Variants in SULF2 observed in about 807,000 individuals in gnomAD.
The protein encoded by SULF2 is sulfatase 2.
In SULF2, 52 loss-of-function variants were observed where a neutral mutation model predicts 107.7. The ratio of observed to expected loss-of-function variants is 0.48; its 90% confidence interval spans 0.39 to 0.61. SULF2 has a LOEUF of 0.61. SULF2 is among the 20% of genes least tolerant of loss of function. The pLI, the probability that SULF2 is intolerant of heterozygous loss-of-function variation, is 0.00. For synonymous variants in SULF2, 460 were observed against 464.3 expected, an observed-to-expected ratio of 0.99 and a Z score of 0.12; for missense variants, 993 against 1,177.3, an observed-to-expected ratio of 0.84 and a Z score of 2.29.
At chr20:47,720,204 T>C (rs1185438997) in intron 3 of SULF2, among the ~76,000 whole-genome samples, 2 of 152,166 alleles carry the variant, frequency 1.3e-5, no homozygotes, top group African/African-American at 2.4e-5. Flanking sequence ...TCACCTGCTT[T>C]GGCCTCTGAA....
At chr20:47,782,221 A>C (rs6018686) in intron 1 of SULF2, among the ~76,000 whole-genome samples, 100,841 of 152,050 alleles carry the variant, frequency 0.66, 34,235 homozygotes, top group East Asian at 0.91. Flanking sequence ...TCACTGCTGG[A>C]TCTGTACCCT....
chr20:47,782,505 C>T (rs2090850455), intron 1 of SULF2, among the ~76,000 whole-genome samples: 1 of 152,162 alleles, frequency 6.6e-6, no homozygotes, highest in Non-Finnish European at 1.5e-5. Flanking sequence ...GAGAGAGGCC[C>T]CCATCTTCCA....
intron 2 of SULF2, among the ~76,000 whole-genome samples, chr20:47,737,933 G>A (rs1298176385): frequency 1.3e-5 from 2 of 151,666 alleles, no homozygotes; most frequent in Non-Finnish European, 2.9e-5. Context: ...TAGTAGAGAT[G>A]ACGTTTCGCC....
chr20:47,672,125 G>A (rs562658430), intron 11 of SULF2, 73 bp downstream of exon 11: 21 of 1,465,570 alleles, frequency 1.4e-5, no homozygotes, highest in South Asian at 5.1e-5. Flanking sequence ...TGGAACTGTC[G>A]GAGTGAATGA....
chr20:47,752,210 C>G (rs564976655), intron 2 of SULF2, among the ~76,000 whole-genome samples: 1 of 152,262 alleles, frequency 6.6e-6, no homozygotes, highest in South Asian at 2.1e-4. Context: ...CTTTAACAAC[C>G]CAAGTGAGAG....
chr20:47,669,627 A>G (rs2087396553), intron 11 of SULF2, among the ~76,000 whole-genome samples: 1 of 152,026 alleles, frequency 6.6e-6, no homozygotes, highest in Admixed American at 6.6e-5. Flanking sequence ...CAGGCAGGAG[A>G]TGGGGCTGGA....
intron 2 of SULF2, among the ~76,000 whole-genome samples, chr20:47,752,916 C>A (rs534145273): frequency 6.6e-6 from 1 of 152,128 alleles, no homozygotes; most frequent in African/African-American, 2.4e-5. Context: ...ACCTGGCCAA[C>A]ATGGCGAAAC....
chr20:47,764,785 A>G (rs2090493824), intron 1 of SULF2, among the ~76,000 whole-genome samples: 2 of 152,192 alleles, frequency 1.3e-5, no homozygotes, highest in African/African-American at 4.8e-5. Context: ...CATTTGCAAC[A>G]GGGAGCACCC....
At chr20:47,754,883 T>C (rs1456802653) in intron 2 of SULF2, among the ~76,000 whole-genome samples, 1 of 152,222 alleles carries the variant, frequency 6.6e-6, no homozygotes, top group African/African-American at 2.4e-5. Flanking sequence ...TTGCCCAGGC[T>C]AGAGAACAGT....
At chr20:47,711,778 T>C (rs1020308922) in intron 3 of SULF2, among the ~76,000 whole-genome samples, 1 of 152,212 alleles carries the variant, frequency 6.6e-6, no homozygotes, top group African/African-American at 2.4e-5. Flanking sequence ...TGCATAAATA[T>C]ACAACACATA....
intron 11 of SULF2, among the ~76,000 whole-genome samples, chr20:47,669,447 G>A (rs1466436316): frequency 6.6e-6 from 1 of 152,144 alleles, no homozygotes; most frequent in East Asian, 1.9e-4. Context: ...CTCACTAGAC[G>A]CCAGCAGCAC....
intron 3 of SULF2, among the ~76,000 whole-genome samples, chr20:47,711,512 C>A (rs553874094): frequency 2.0e-5 from 3 of 152,348 alleles, no homozygotes; most frequent in East Asian, 1.9e-4. Flanking sequence ...TTCTCTCCCC[C>A]ACGACGGGCC....
chr20:47,688,716 C>T (rs6125075), intron 5 of SULF2, among the ~76,000 whole-genome samples: 11,423 of 152,224 alleles, frequency 0.075, 1,350 homozygotes, highest in African/African-American at 0.25. Context: ...ATGCTGCAGC[C>T]CCTGGGACGC....
intron 1 of SULF2, among the ~76,000 whole-genome samples, chr20:47,775,688 C>T (rs546262108): frequency 6.6e-6 from 1 of 152,184 alleles, no homozygotes; most frequent in African/African-American, 2.4e-5. Flanking sequence ...AAGCCTAGCA[C>T]AGATGGTACA....
chr20:47,725,459 AGTCCTTCTT>A (rs1276978030), intron 3 of SULF2, among the ~76,000 whole-genome samples: 5 of 152,222 alleles, frequency 3.3e-5, no homozygotes, highest in Non-Finnish European at 5.9e-5. Context: ...AGGACATCAA[AGTCCTTCTT>A]AGTCTCCGCC....
At chr20:47,754,739 C>A (rs796565016) in intron 2 of SULF2, among the ~76,000 whole-genome samples, 32 of 152,358 alleles carry the variant, frequency 2.1e-4, no homozygotes, top group African/African-American at 7.2e-4. Flanking sequence ...AACTAACAAA[C>A]GCACACGCTA....
intron 2 of SULF2, among the ~76,000 whole-genome samples, chr20:47,738,645 T>C (rs911219157): frequency 6.6e-6 from 1 of 152,204 alleles, no homozygotes; most frequent in African/African-American, 2.4e-5. Flanking sequence ...TCACGAGATT[T>C]GATGGTTTTA....
At chr20:47,761,120 T>C (rs923293568) in intron 1 of SULF2, among the ~76,000 whole-genome samples, 7 of 152,236 alleles carry the variant, frequency 4.6e-5, no homozygotes, top group Admixed American at 3.9e-4. Flanking sequence ...AAACCATTAT[T>C]AGAGTGATCC....
intron 18 of SULF2, among the ~76,000 whole-genome samples, chr20:47,660,610 A>AT (rs57839876): frequency 7.7e-4 from 116 of 149,828 alleles, no homozygotes; most frequent in African/African-American, 2.6e-3. Flanking sequence ...TTTTTAATAT[A>AT]TTTTTTTTAT....
Sources: gnomAD v4.1 joint callset for allele counts (sites outside exome capture counted in the v4.1 genomes callset) on GRCh38, gnomAD v4.1.1 for gene constraint, MANE v1.5 for transcripts, NCBI Gene and HGNC (gene_info 2026-07-23, HGNC 2026-07-21) for gene names.